The following GALNTL6 variants were observed in gnomAD, a reference collection of about 807,000 sequenced individuals.
The protein encoded by GALNTL6 is polypeptide N-acetylgalactosaminyltransferase-like 6.
GALNTL6 carries 46 observed loss-of-function variants against 73.7 expected under a neutral mutation model. That is an observed-to-expected ratio of 0.62 (90% confidence interval 0.49 to 0.80). The LOEUF (loss-of-function observed/expected upper bound fraction) is 0.80. GALNTL6 is among the 30% of genes least tolerant of loss of function. GALNTL6 has a pLI of 0.00. For missense variants in GALNTL6, 604 were observed against 755.0 expected, an observed-to-expected ratio of 0.80 and a Z score of 2.34; for synonymous variants, 259 against 263.7, an observed-to-expected ratio of 0.98 and a Z score of 0.17.
At chr4:172,007,445 C>T (rs10005245) in intron 2 of GALNTL6, among the ~76,000 whole-genome samples, 142,193 of 151,954 alleles carry the variant, frequency 0.94, 66,818 homozygotes, top group East Asian at 1. Flanking sequence ...CTATAAGCAG[C>T]GATGACAAAA....
Position 172,333,410 on chromosome 4 carries a change from G to GAA in GALNTL6, c.387-15107_387-15106dup, listed in dbSNP as rs1201815544. On this transcript the variant is annotated intron_variant, in intron 4 of 12. Coordinates refer to ENST00000506823, the MANE Select transcript of GALNTL6 (RefSeq NM_001034845.3). ...ACAAAAGTGAAAGTCCATCTCAAAA[G>GAA]AAAAAAATAAAAACAAAACAAAACA... Among the ~76,000 whole-genome samples, 58 of 151,846 alleles carry GAA rather than the reference G, an allele frequency of 3.8e-4. 1 individual carries two copies. In the South Asian group the frequency reaches 5.1e-3, roughly 13 times the overall value.
At chr4:172,561,259 CAAAAAA>C (rs59249298) in intron 5 of GALNTL6, among the ~76,000 whole-genome samples, 9 of 60,128 alleles carry the variant, frequency 1.5e-4, no homozygotes, top group African/African-American at 7.4e-4. Context: ...GACTCCGTCT[CAAAAAA>C]AAAAAAAAAA....
At chr4:172,021,098 C>A (rs2110800639) in intron 2 of GALNTL6, among the ~76,000 whole-genome samples, 1 of 152,090 alleles carries the variant, frequency 6.6e-6, no homozygotes, top group East Asian at 1.9e-4. Flanking sequence ...AATTCGGCAT[C>A]CCTTCATGAT....
At chr4:172,792,346 C>CAT (rs10668983) in intron 5 of GALNTL6, among the ~76,000 whole-genome samples, 126,773 of 151,850 alleles carry the variant, frequency 0.83, 52,965 homozygotes, top group East Asian at 0.9. Flanking sequence ...TATATATACA[C>CAT]GTGTGTACTA....
chr4:172,351,243 T>G (rs1003413903), intron 5 of GALNTL6, among the ~76,000 whole-genome samples: 1 of 146,546 alleles, frequency 6.8e-6, no homozygotes, highest in Non-Finnish European at 1.5e-5. Context: ...CTTTACTGAT[T>G]TATTTATCTC....
chr4:172,886,440 T>C (rs1745721955), intron 8 of GALNTL6, among the ~76,000 whole-genome samples: 1 of 152,186 alleles, frequency 6.6e-6, no homozygotes, highest in Non-Finnish European at 1.5e-5. Flanking sequence ...CCATTCTTAG[T>C]CTGGCTAAAG....
chr4:173,028,676 T>G (rs10019125), intron 12 of GALNTL6, among the ~76,000 whole-genome samples: 9,709 of 152,264 alleles, frequency 0.064, 504 homozygotes, highest in African/African-American at 0.14. Flanking sequence ...AGTTCAATTA[T>G]TGATATGAGC....
intron 5 of GALNTL6, among the ~76,000 whole-genome samples, chr4:172,596,588 A>G (rs1231581874): frequency 6.6e-6 from 1 of 152,206 alleles, no homozygotes; most frequent in Non-Finnish European, 1.5e-5. Context: ...ATAATCATTG[A>G]AGACTCTCAG....
Position 171,994,294 on chromosome 4 carries a change from G to A in GALNTL6, c.138+179576G>A, listed in dbSNP as rs78838940. The stretch of plus-strand genomic sequence containing the variant: ...AGAAGGCTCTGTGTGGTCTTAATTG[G>A]CAATTAAATGAGCCAGCCTGGAAAT... On this transcript the variant is annotated intron_variant, in intron 2 of 12. Coordinates refer to ENST00000506823, the MANE Select transcript of GALNTL6 (RefSeq NM_001034845.3). Among the ~76,000 whole-genome samples the A allele has an allele frequency of 8.4e-3, 1,282 of 152,098 alleles. 14 individuals carry two copies. The highest frequency in any genetic ancestry group is 0.025 in the African/African-American group (1,044 of 41,534).
intron 2 of GALNTL6, among the ~76,000 whole-genome samples, chr4:172,227,165 C>A (rs919388201): frequency 6.6e-6 from 1 of 152,162 alleles, no homozygotes; most frequent in Non-Finnish European, 1.5e-5. Context: ...CACATGGTTA[C>A]TGGGTGTGCA....
rs537993508 is a variant in GALNTL6 at position 172,447,615 on chromosome 4, A to C, written c.553+98926A>C. On this transcript the variant is annotated intron_variant, in intron 5 of 12. Coordinates refer to ENST00000506823, the MANE Select transcript of GALNTL6 (RefSeq NM_001034845.3). Reference sequence around the variant, plus strand: ...TGTAAATGATAGTTTTATGAAGTAAATGGAGATACTAATGCATTTACGGCC... The same window carrying C: ...TGTAAATGATAGTTTTATGAAGTAACTGGAGATACTAATGCATTTACGGCC... 1.2e-3 allele frequency among the ~76,000 whole-genome samples: 181 copies of C among 152,318 alleles called. 1 individual carries two copies. The highest frequency in any genetic ancestry group is 4.3e-3 in the African/African-American group (178 of 41,584).
rs1401907357 is a variant in GALNTL6, at chr4:172,676,716, A to G, written c.554-132645A>G. ...AACAGACAGGTTGCGGTGGCTGCCT[A>G]CTTCATTTCACACATCTCATTTTTA... On this transcript the variant is annotated intron_variant, in intron 5 of 12. Transcript: ENST00000506823. Among the ~76,000 whole-genome samples the G allele has an allele frequency of 2.0e-5, 3 of 152,178 alleles. No individual in the cohort carries two copies. In the East Asian group the frequency reaches 5.8e-4, roughly 29 times the overall value.
chr4:172,661,441 G>T (rs1048355423), intron 5 of GALNTL6, among the ~76,000 whole-genome samples: 1 of 151,916 alleles, frequency 6.6e-6, no homozygotes, highest in African/African-American at 2.4e-5. Flanking sequence ...TGTTTCTCTG[G>T]AGAACACTGG....
chr4:171,987,021 T>C (rs1740117114), intron 2 of GALNTL6, among the ~76,000 whole-genome samples: 1 of 72,630 alleles, frequency 1.4e-5, no homozygotes, highest in Admixed American at 1.8e-4. Context: ...AGACAGAACA[T>C]AGTAGGGATG....
In GALNTL6 at chr4:172,403,543, A is replaced by G. The variant is rs17058391; in HGVS notation, c.553+54854A>G. 8.4e-3 allele frequency among the ~76,000 whole-genome samples: 1,227 copies of G among 146,266 alleles called. 11 individuals carry two copies. The highest frequency in any genetic ancestry group is 0.032 in the African/African-American group (1,159 of 36,040). On this transcript the variant is annotated intron_variant, in intron 5 of 12. Transcript: ENST00000506823. ...GTCTTTTTCTTACGGTTAGCCAAAA[A>G]TTGTCTTAAATAACTAGATTTCATT...
chr4:172,183,578 G>A (rs1278081701), intron 2 of GALNTL6, among the ~76,000 whole-genome samples: 5 of 152,158 alleles, frequency 3.3e-5, no homozygotes, highest in Admixed American at 6.6e-5. Context: ...GATCTACAGT[G>A]TCAACTTCAT....
intron 4 of GALNTL6, among the ~76,000 whole-genome samples, chr4:172,326,362 G>T (rs1023246535): frequency 6.6e-6 from 1 of 151,766 alleles, no homozygotes; most frequent in East Asian, 1.9e-4. Context: ...ATCAACTTTC[G>T]CTTCATATTT....
chr4:172,193,138 AGCACAGT>A (rs2110883026), intron 2 of GALNTL6, among the ~76,000 whole-genome samples: 1 of 152,312 alleles, frequency 6.6e-6, no homozygotes, highest in African/African-American at 2.4e-5. Flanking sequence ...GACTACCCCC[AGCACAGT>A]GCATCCTCTC....
intron 2 of GALNTL6, among the ~76,000 whole-genome samples, chr4:171,820,872 T>C (rs997011095): frequency 5.3e-5 from 8 of 152,192 alleles, no homozygotes; most frequent in Non-Finnish European, 7.3e-5. Flanking sequence ...TTTTGAATTA[T>C]TTCAAGTATT....
Sources: gnomAD v4.1 joint callset for allele counts (sites outside exome capture counted in the v4.1 genomes callset) on GRCh38, gnomAD v4.1.1 for gene constraint, MANE v1.5 for transcripts, NCBI Gene and HGNC (gene_info 2026-07-23, HGNC 2026-07-21) for gene names.